CEP128: variants seen among roughly 807,000 people sequenced by gnomAD.
The protein encoded by CEP128 is centrosomal protein 128, also known as centrosomal protein 128kDa.
Under a neutral mutation model 156.7 loss-of-function variants are expected in CEP128, and 132 were observed. The observed-to-expected ratio is 0.84, with a 90% confidence interval of 0.73 to 0.97. CEP128 has a LOEUF of 0.97. CEP128 is among the 50% of genes least tolerant of loss of function. The pLI, the probability that CEP128 is intolerant of heterozygous loss-of-function variation, is 0.00. For synonymous variants in CEP128, 469 were observed against 448.9 expected (o/e 1.04, Z -0.57); for missense variants, 1,252 against 1,281.9 (o/e 0.98, Z 0.36).
intron 19 of CEP128, among the ~76,000 whole-genome samples, chr14:80,658,673 T>C (rs113331954): frequency 6.6e-6 from 1 of 152,302 alleles, no homozygotes; most frequent in African/African-American, 2.4e-5. Context: ...GCAGATTCCT[T>C]CCTAAAAGTT....
At chr14:80,488,856 C>T (rs1469936837), downstream of CEP128, among the ~76,000 whole-genome samples, 1 of 151,756 alleles carries the variant, frequency 6.6e-6, no homozygotes, top group African/African-American at 2.4e-5. Flanking sequence ...AAACTGGAAA[C>T]CATCATTCTC....
intron 20 of CEP128, among the ~76,000 whole-genome samples, chr14:80,565,470 G>C (rs1461901915): frequency 6.6e-6 from 1 of 152,138 alleles, no homozygotes; most frequent in Non-Finnish European, 1.5e-5. Flanking sequence ...GTCTCCTGCA[G>C]AGCCAGCTCT....
chr14:80,681,216 GA>G (rs1293265851), intron 19 of CEP128, among the ~76,000 whole-genome samples: 2 of 151,398 alleles, frequency 1.3e-5, no homozygotes, highest in Non-Finnish European at 2.9e-5. Context: ...AAAAAGAAAG[GA>G]AAAAAATATT....
At chr14:80,511,367 T>C (rs1400248691) in intron 23 of CEP128, among the ~76,000 whole-genome samples, 1 of 151,990 alleles carries the variant, frequency 6.6e-6, no homozygotes, top group Non-Finnish European at 1.5e-5. Flanking sequence ...GTATCCATTT[T>C]ATCTAAGCTT....
chr14:80,857,759 C>A (rs79217546), intron 9 of CEP128, among the ~76,000 whole-genome samples: 41,488 of 142,432 alleles, frequency 0.29, 7,178 homozygotes, highest in Non-Finnish European at 0.38. Flanking sequence ...ACAACAACAA[C>A]AACAACAACA....
intron 19 of CEP128, among the ~76,000 whole-genome samples, chr14:80,718,501 T>A (rs1038178013): frequency 3.3e-5 from 5 of 152,208 alleles, no homozygotes; most frequent in African/African-American, 1.2e-4. Flanking sequence ...ATATCACATA[T>A]AGATATTTTA....
intron 23 of CEP128, among the ~76,000 whole-genome samples, chr14:80,511,455 A>AT (rs1230282295): frequency 6.6e-6 from 1 of 151,598 alleles, no homozygotes; most frequent in Non-Finnish European, 1.5e-5. Context: ...ATTAGCCTCC[A>AT]TTTTCCTCTC....
At chr14:80,829,510 A>T (rs55908787) in intron 13 of CEP128, among the ~76,000 whole-genome samples, 9,882 of 152,212 alleles carry the variant, frequency 0.065, 1,071 homozygotes, top group African/African-American at 0.23. Flanking sequence ...TCCTGGCTCA[A>T]GCAATCCTTT....
intron 19 of CEP128, among the ~76,000 whole-genome samples, chr14:80,741,490 T>C (rs573652822): frequency 6.6e-6 from 1 of 152,176 alleles, no homozygotes; most frequent in African/African-American, 2.4e-5. Flanking sequence ...ATTCCAAATT[T>C]CCAGACTTAC....
At chr14:80,922,627 T>A (rs1884929407) in intron 2 of CEP128, among the ~76,000 whole-genome samples, 1 of 152,242 alleles carries the variant, frequency 6.6e-6, no homozygotes, top group Non-Finnish European at 1.5e-5. Context: ...ATCACTATTA[T>A]AATTTGAAGC....
At chr14:80,623,585 T>A (rs1331346975) in intron 19 of CEP128, among the ~76,000 whole-genome samples, 1 of 151,860 alleles carries the variant, frequency 6.6e-6, no homozygotes, top group African/African-American at 2.4e-5. Context: ...ATTTATATTT[T>A]ACATAAAAAT....
chr14:80,705,815 C>T (rs917225150), intron 19 of CEP128, among the ~76,000 whole-genome samples: 2 of 152,088 alleles, frequency 1.3e-5, no homozygotes, highest in African/African-American at 4.8e-5. Flanking sequence ...TAGATAAATT[C>T]CAGATGGGTG....
intron 16 of CEP128, among the ~76,000 whole-genome samples, chr14:80,769,469 A>G (rs1200125617): frequency 6.7e-6 from 1 of 150,186 alleles, no homozygotes; most frequent in Non-Finnish European, 1.5e-5. Context: ...TGACGTTCCC[A>G]TTGTTCAGTT....
chr14:80,647,323 A>T (rs769431046), intron 19 of CEP128, among the ~76,000 whole-genome samples: 51 of 151,478 alleles, frequency 3.4e-4, no homozygotes, highest in Admixed American at 5.3e-4. Flanking sequence ...TTTCTCTATA[A>T]GACTTTCTAA....
chr14:80,927,917 C>A (rs999288723), intron 2 of CEP128, among the ~76,000 whole-genome samples: 2 of 152,120 alleles, frequency 1.3e-5, no homozygotes, highest in African/African-American at 4.8e-5. Context: ...ATTCCAGCCC[C>A]ACAGGAGAGA....
At chr14:80,778,295 T>TA (rs1250445678) in intron 15 of CEP128, among the ~76,000 whole-genome samples, 1 of 152,192 alleles carries the variant, frequency 6.6e-6, no homozygotes, top group African/African-American at 2.4e-5. Flanking sequence ...ATATGAATAG[T>TA]AAGAGAGTCA....
intron 19 of CEP128, among the ~76,000 whole-genome samples, chr14:80,599,968 C>A (rs183256209): frequency 6.6e-6 from 1 of 152,182 alleles, no homozygotes; most frequent in East Asian, 1.9e-4. Context: ...TTTTCTTTCA[C>A]ATACCATGAA....
chr14:80,506,565 A>C (rs983933098), intron 23 of CEP128, among the ~76,000 whole-genome samples: 2 of 152,144 alleles, frequency 1.3e-5, no homozygotes, highest in South Asian at 4.2e-4. Context: ...CAAAAATTCC[A>C]TATCTGTGGG....
chr14:80,852,077 T>C (rs1886920023), intron 9 of CEP128, among the ~76,000 whole-genome samples: 2 of 152,182 alleles, frequency 1.3e-5, no homozygotes, highest in South Asian at 4.1e-4. Context: ...ATTAAATTTA[T>C]ATATGTGTGT....
Sources: allele counts gnomAD v4.1 joint callset (sites outside exome capture counted in the v4.1 genomes callset), GRCh38; gene constraint gnomAD v4.1.1; transcripts MANE v1.5; gene names NCBI Gene and HGNC (gene_info 2026-07-23, HGNC 2026-07-21).